The following NPSR1 variants were observed in gnomAD, a reference collection of about 807,000 sequenced individuals.
The protein encoded by NPSR1 is neuropeptide S receptor 1.
Under a neutral mutation model 46.9 loss-of-function variants are expected in NPSR1, and 48 were observed. The ratio of observed to expected loss-of-function variants is 1.02; its 90% CI spans 0.81 to 1.30. NPSR1 has a LOEUF of 1.30. NPSR1 is among the 50% of genes most tolerant of loss of function. The pLI, the probability that NPSR1 is intolerant of heterozygous loss-of-function variation, is 0.00. For synonymous variants in NPSR1, 176 were observed against 168.1 expected, an observed-to-expected ratio of 1.05 and a Z score of -0.36; for missense variants, 450 against 449.5, an observed-to-expected ratio of 1.00 and a Z score of -0.01.
chr7:34,700,998 A>G (rs1793799283), intron 2 of NPSR1, among the ~76,000 whole-genome samples: 1 of 152,218 alleles, frequency 6.6e-6, no homozygotes, highest in Non-Finnish European at 1.5e-5. Flanking sequence ...AAAGGCTTGA[A>G]TTTCACTGCA....
chr7:34,809,337 ATTTC>A (rs1788867835), intron 3 of NPSR1, among the ~76,000 whole-genome samples: 1 of 151,274 alleles, frequency 6.6e-6, no homozygotes, highest in African/African-American at 2.4e-5. Context: ...GGAGCCTTCA[ATTTC>A]TTTTTTTAAA....
intron 3 of NPSR1, among the ~76,000 whole-genome samples, chr7:34,778,838 A>T (rs1302581889): frequency 6.6e-6 from 1 of 152,194 alleles, no homozygotes; most frequent in Non-Finnish European, 1.5e-5. Context: ...CTGGGTCAAT[A>T]TTAAGGATTT....
intron 2 of NPSR1, among the ~76,000 whole-genome samples, chr7:34,771,009 G>A (rs1326838061): frequency 6.6e-6 from 1 of 152,200 alleles, no homozygotes; most frequent in Non-Finnish European, 1.5e-5. Flanking sequence ...AGGCCCCACT[G>A]TCACATTGGG....
chr7:34,829,668 C>A (rs1790025827), intron 5 of NPSR1, among the ~76,000 whole-genome samples: 2 of 152,200 alleles, frequency 1.3e-5, no homozygotes, highest in Admixed American at 6.5e-5. Context: ...CTCAGGTTAT[C>A]CTGTATCTAT....
chr7:34,781,254 T>C (rs893821545), intron 3 of NPSR1, among the ~76,000 whole-genome samples: 29 of 152,148 alleles, frequency 1.9e-4, no homozygotes, highest in Admixed American at 2.0e-4. Flanking sequence ...TAATAGTTTC[T>C]AGAATGTAAG....
chr7:34,767,725 C>T (rs1197573873), intron 2 of NPSR1, among the ~76,000 whole-genome samples: 1 of 151,876 alleles, frequency 6.6e-6, no homozygotes, highest in Non-Finnish European at 1.5e-5. Context: ...TGGAATTCTC[C>T]AAAAATAATG....
intron 2 of NPSR1, among the ~76,000 whole-genome samples, chr7:34,693,545 G>A (rs1379405793): frequency 6.6e-6 from 1 of 152,150 alleles, no homozygotes; most frequent in Non-Finnish European, 1.5e-5. Flanking sequence ...CAGATTCACA[G>A]CTGAATTTTA....
intron 1 of NPSR1, among the ~76,000 whole-genome samples, chr7:34,668,873 G>T (rs1791892614): frequency 1.3e-5 from 2 of 152,164 alleles, no homozygotes; most frequent in African/African-American, 4.8e-5. Flanking sequence ...GTCACGTCTG[G>T]TATCAGTGGA....
chr7:34,750,159 C>G, intron 2 of NPSR1: 2 of 298,824 alleles, frequency 6.7e-6, no homozygotes, highest in South Asian at 5.3e-5. Context: ...AGGAGACAGG[C>G]AAATATTCTA....
At chr7:34,758,229 A>C (rs1785976691) in intron 2 of NPSR1, 1 of 152,402 alleles carries the variant, frequency 6.6e-6, no homozygotes, top group Admixed American at 6.5e-5. Context: ...GTTATCTGTT[A>C]TGTCTGTTTG....
In NPSR1 at chr7:34,849,819, G is replaced by C. The variant is rs1204064618; in HGVS notation, c.*164G>C. The C allele has an allele frequency of 7.1e-7, 1 of 1,412,172 alleles. No homozygotes were observed. The highest frequency in any genetic ancestry group is 9.2e-7 in the Non-Finnish European group (1 of 1,083,296). The allele number at this position is 1,412,172 out of a possible 1,614,324, so 87.5% of individuals were successfully genotyped here. A position where few individuals can be genotyped will look rare whatever the true frequency, so the allele number is the denominator to read the frequency against. On this transcript the variant is annotated 3_prime_UTR_variant, in exon 9 of 9. Transcript: ENST00000360581. ...TCTAATGACTGCATGCACTGCTTAA[G>C]TATTGGCCAACACGAACTCCCCAGT...
At chr7:34,834,256 G>T in intron 5 of NPSR1, 128 bp from the exon 6 acceptor site, 1 of 709,474 alleles carries the variant, frequency 1.4e-6, no homozygotes. Flanking sequence ...CAAGTATAAG[G>T]GGGCAGGCAT....
At chr7:34,860,222 T>G (rs1280022309) in intron 8 of NPSR1, among the ~76,000 whole-genome samples, 1 of 151,752 alleles carries the variant, frequency 6.6e-6, no homozygotes, top group East Asian at 1.9e-4. Context: ...AGAGGTGTTT[T>G]GAGGGCTATA....
In NPSR1 at chr7:34,735,906, T is replaced by TA. The variant is rs1328905004; in HGVS notation, c.281-42549dup. Among the ~76,000 whole-genome samples, 5 of 152,082 alleles carry TA rather than the reference T, an allele frequency of 3.3e-5. No homozygotes were observed. In the East Asian group the frequency reaches 9.6e-4, roughly 29 times the overall value. ...TATTGACAATAAAATTGTAATAGTATAAAAAAATCTCAACATGAATAAAAA... is the reference window on the plus strand; with the variant it reads ...TATTGACAATAAAATTGTAATAGTATAAAAAAAATCTCAACATGAATAAAAA... On this transcript the variant is annotated intron_variant, in intron 2 of 8. Transcript: ENST00000360581.
chr7:34,668,348 T>C (rs368791585), intron 1 of NPSR1, among the ~76,000 whole-genome samples: 1 of 152,236 alleles, frequency 6.6e-6, no homozygotes, highest in Non-Finnish European at 1.5e-5. Flanking sequence ...AGATATTCTT[T>C]TGGCTAAGAA....
At chr7:34,726,853 A>T (rs1784182022) in intron 2 of NPSR1, among the ~76,000 whole-genome samples, 1 of 151,212 alleles carries the variant, frequency 6.6e-6, no homozygotes, top group Admixed American at 6.6e-5. Flanking sequence ...GCTTTCAGGG[A>T]TTAGGGAGGG....
chr7:34,822,660 G>A (rs1562755672), intron 4 of NPSR1, among the ~76,000 whole-genome samples: 1 of 152,094 alleles, frequency 6.6e-6, no homozygotes, highest in Non-Finnish European at 1.5e-5. Flanking sequence ...AAATCAGTTG[G>A]CAAAAAATGA....
intron 2 of NPSR1, chr7:34,751,681 T>G: frequency 6.3e-7 from 1 of 1,590,138 alleles, no homozygotes; most frequent in Non-Finnish European, 8.6e-7. Context: ...GGACAAGAGG[T>G]TCATCAACAG....
At chr7:34,860,588 T>C (rs538111246) in intron 8 of NPSR1, among the ~76,000 whole-genome samples, 1 of 151,966 alleles carries the variant, frequency 6.6e-6, no homozygotes, top group African/African-American at 2.4e-5. Flanking sequence ...CTGCATTCAA[T>C]CTGTTGCAAT....
Sources: allele counts gnomAD v4.1 joint callset (sites outside exome capture counted in the v4.1 genomes callset), GRCh38; gene constraint gnomAD v4.1.1; transcripts MANE v1.5; gene names NCBI Gene and HGNC (gene_info 2026-07-23, HGNC 2026-07-21).